ZC3H12C: variants seen among roughly 807,000 people sequenced by gnomAD.
The protein encoded by ZC3H12C is probable ribonuclease ZC3H12C.
A neutral mutation model predicts 76.3 loss-of-function variants in ZC3H12C; 20 were observed. That is an observed-to-expected ratio of 0.26 (90% CI 0.18 to 0.38). The LOEUF is 0.38. ZC3H12C is among the 10% of genes least tolerant of loss of function. The pLI is 1.00. For synonymous variants in ZC3H12C, 352 were observed against 399.6 expected (o/e 0.88, Z 1.42); for missense variants, 874 against 1,086.5 (o/e 0.80, Z 2.75).
At chr11:110,155,786 G>T (rs991886539) in intron 3 of ZC3H12C, among the ~76,000 whole-genome samples, 4 of 152,092 alleles carry the variant, frequency 2.6e-5, no homozygotes, top group African/African-American at 9.7e-5. Flanking sequence ...ATACCAAACT[G>T]TTAAGAGTAA....
chr11:110,163,306 T>C lies in ZC3H12C; in HGVS notation c.1182T>C (p.His394=). 6.2e-7 allele frequency: 1 copy of C among 1,613,206 alleles called. No homozygotes were observed. Among genetic ancestry groups the C allele is most frequent in the Non-Finnish European group, 8.5e-7 (1 of 1,179,644 alleles). ...CCCCTGATGACCCTCTTGGCAGACA[T>C]GGCCCCAGTCTGGATAATTTTCTGA... The part of the protein sequence containing the change: ...FMPPDDPLGR[H]GPSLDNFLRK... Residue 394 remains histidine (H), a synonymous_variant, in exon 5 of 6, where the codon CAT becomes CAC. Transcript: ENST00000278590.
intron 1 of ZC3H12C, among the ~76,000 whole-genome samples, chr11:110,114,114 T>C (rs937941015): frequency 1.3e-5 from 2 of 152,176 alleles, no homozygotes; most frequent in Non-Finnish European, 2.9e-5. Context: ...ACTAGCCGCT[T>C]CTCCGGGAGT....
chr11:110,123,482 T>C (rs639712), intron 1 of ZC3H12C, among the ~76,000 whole-genome samples: 107,757 of 152,106 alleles, frequency 0.71, 38,484 homozygotes, highest in East Asian at 0.89. Flanking sequence ...GAAAGGAATG[T>C]TGTTTTTGTG....
chr11:110,160,655 G>A (rs751080238), intron 4 of ZC3H12C, among the ~76,000 whole-genome samples: 11 of 152,082 alleles, frequency 7.2e-5, no homozygotes, highest in African/African-American at 2.2e-4. Context: ...AGTACTATGC[G>A]TGGAGCTGTC....
intron 1 of ZC3H12C, among the ~76,000 whole-genome samples, chr11:110,097,058 T>C (rs1861126595): frequency 6.6e-6 from 1 of 152,220 alleles, no homozygotes; most frequent in Non-Finnish European, 1.5e-5. Context: ...TTAGAAAATA[T>C]AGAGAGGTAT....
At chr11:110,154,630 C>G (rs1036231625) in intron 3 of ZC3H12C, among the ~76,000 whole-genome samples, 2 of 151,778 alleles carry the variant, frequency 1.3e-5, no homozygotes, top group African/African-American at 4.8e-5. Context: ...TATCAAAAAT[C>G]AAACCATCAG....
At chr11:110,158,523 A>G (rs1334794165) in intron 3 of ZC3H12C, among the ~76,000 whole-genome samples, 4 of 150,706 alleles carry the variant, frequency 2.7e-5, no homozygotes, top group African/African-American at 7.4e-5. Context: ...AAAAAAAAAA[A>G]TCCAACCACA....
At position 110,152,709 on chromosome 11, in the gene ZC3H12C, A is replaced by C. The variant is rs529727770; in HGVS notation, c.774-210A>C. Among the ~76,000 whole-genome samples the C allele has an allele frequency of 2.2e-4, 33 of 152,272 alleles. 1 individual carries two copies. In the South Asian group the frequency reaches 4.8e-3, roughly 22 times the overall value. Reference sequence around the variant, plus strand: ...CACTTTTGTTTCTTCTCTGGAAAATAATCATCCCAATTTTCTTTTCTGTTT... The same window carrying C: ...CACTTTTGTTTCTTCTCTGGAAAATCATCATCCCAATTTTCTTTTCTGTTT... On this transcript the variant is annotated intron_variant, in intron 2 of 5. Transcript: ENST00000278590.
intron 2 of ZC3H12C, among the ~76,000 whole-genome samples, chr11:110,141,256 G>C (rs1489196111): frequency 6.6e-6 from 1 of 152,070 alleles, no homozygotes; most frequent in Non-Finnish European, 1.5e-5. Flanking sequence ...TATGAACAGG[G>C]AAAATGCATT....
At chr11:110,153,903 T>C (rs947422284) in intron 3 of ZC3H12C, among the ~76,000 whole-genome samples, 1 of 152,252 alleles carries the variant, frequency 6.6e-6, no homozygotes, top group South Asian at 2.1e-4. Flanking sequence ...ATTATTGTTC[T>C]TGAACATTTT....
intron 1 of ZC3H12C, among the ~76,000 whole-genome samples, chr11:110,095,201 G>A (rs1302460337): frequency 6.6e-6 from 1 of 152,030 alleles, no homozygotes; most frequent in East Asian, 1.9e-4. Context: ...TTTATATTAT[G>A]GGCTTCTCTG....
intron 1 of ZC3H12C, among the ~76,000 whole-genome samples, chr11:110,111,697 A>ATTTTT (rs11387069): frequency 7.6e-5 from 10 of 132,036 alleles, no homozygotes; most frequent in African/African-American, 2.3e-4. Context: ...GGCCTGACTG[A>ATTTTT]TTTTTTTTTT....
At chr11:110,139,860 A>T (rs1236062112) in intron 2 of ZC3H12C, among the ~76,000 whole-genome samples, 1 of 143,758 alleles carries the variant, frequency 7.0e-6, no homozygotes, top group Non-Finnish European at 1.5e-5. Context: ...GTTTAAATTC[A>T]TATATTTTCT....
chr11:110,160,806 C>T (rs1862465784), intron 4 of ZC3H12C, among the ~76,000 whole-genome samples: 2 of 151,988 alleles, frequency 1.3e-5, no homozygotes, highest in South Asian at 2.1e-4. Flanking sequence ...CTATATAAAC[C>T]AGTAACATAG....
In ZC3H12C at chr11:110,164,716, C is replaced by G; in HGVS notation, c.1631C>G (p.Ser544Cys). 6.2e-7 allele frequency: 1 copy of G among 1,614,064 alleles called. No individual in the cohort carries two copies. The highest frequency in any genetic ancestry group is 8.5e-7 in the Non-Finnish European group (1 of 1,179,902). The change falls in exon 6 of 6, where the codon TCT becomes TGT. Residue 544 changes from serine to cysteine, a missense_variant. Around this residue, in one of 3 missense-constraint regions of ZC3H12C, gnomAD observed 395 missense variants for 434.4 expected, o/e 0.91. Transcript: ENST00000278590. This position sits in a 1 kb window ranked among gnomAD's most constrained non-coding sequence, Gnocchi z 5.7. ...ACATCTTTAAGCAATGGCCTTCCATCTGGAGTTCATTTCCCACCTCAGGAT... is the reference window on the plus strand; with the variant it reads ...ACATCTTTAAGCAATGGCCTTCCATGTGGAGTTCATTTCCCACCTCAGGAT... Reference protein sequence around the residue: ...STTSLSNGLPSGVHFPPQDQR... With the variant: ...STTSLSNGLPCGVHFPPQDQR...
chr11:110,148,034 C>A (rs1044430195), intron 2 of ZC3H12C, among the ~76,000 whole-genome samples: 3 of 152,184 alleles, frequency 2.0e-5, no homozygotes, highest in African/African-American at 7.2e-5. Flanking sequence ...AGAAGGGCAA[C>A]AAGAAGCAGA....
At chr11:110,157,955 T>C (rs1293896898) in intron 3 of ZC3H12C, among the ~76,000 whole-genome samples, 1 of 152,070 alleles carries the variant, frequency 6.6e-6, no homozygotes, top group African/African-American at 2.4e-5. Context: ...GTTGCAGAGA[T>C]GGATTGAAAA....
At chr11:110,118,510 A>T (rs1861601143) in intron 1 of ZC3H12C, among the ~76,000 whole-genome samples, 1 of 152,214 alleles carries the variant, frequency 6.6e-6, no homozygotes, top group South Asian at 2.1e-4. Context: ...TTATTAAGAA[A>T]TACAAGCCGG....
intron 1 of ZC3H12C, among the ~76,000 whole-genome samples, chr11:110,104,594 G>A (rs1307201924): frequency 1.3e-5 from 2 of 152,314 alleles, no homozygotes; most frequent in Admixed American, 6.5e-5. Flanking sequence ...GACCTGAAAG[G>A]CTACACAGTG....
Sources: gnomAD v4.1 joint callset for allele counts (sites outside exome capture counted in the v4.1 genomes callset) on GRCh38, gnomAD v4.1.1 for gene constraint, gnomAD v4.1.1 regional missense constraint, Gnocchi (gnomAD v3.1) non-coding constraint, MANE v1.5 for transcripts, NCBI Gene and HGNC (gene_info 2026-07-23, HGNC 2026-07-21) for gene names.